The following DCDC1 variants were observed in gnomAD, a reference collection of about 807,000 sequenced individuals.
DCDC1 encodes doublecortin domain-containing protein 1.
A neutral mutation model predicts 178.3 loss-of-function variants in DCDC1; 200 were observed. That is an observed-to-expected ratio of 1.12 (90% CI 1.00 to 1.26). The LOEUF is 1.26. DCDC1 is among the 50% of genes most tolerant of loss of function. The pLI, the probability that DCDC1 is intolerant of heterozygous loss-of-function variation, is 0.00. For missense variants in DCDC1, 1,983 were observed against 1,749.2 expected (o/e 1.13, Z -2.38); for synonymous variants, 690 against 604.8 (o/e 1.14, Z -2.07).
chr11:31,271,671 T>C (rs1340115978), intron 7 of DCDC1, among the ~76,000 whole-genome samples: 1 of 152,212 alleles, frequency 6.6e-6, no homozygotes, highest in African/African-American at 2.4e-5. Context: ...ATTGTATTAG[T>C]CCATTATCAT....
intron 18 of DCDC1, among the ~76,000 whole-genome samples, chr11:31,073,459 T>C (rs935433541): frequency 6.6e-6 from 1 of 152,180 alleles, no homozygotes; most frequent in Non-Finnish European, 1.5e-5. Context: ...GAGTGAGATT[T>C]AGATAAGATG....
chr11:31,342,362 T>G (rs554783604), intron 1 of DCDC1, among the ~76,000 whole-genome samples: 3 of 152,346 alleles, frequency 2.0e-5, no homozygotes, highest in African/African-American at 7.2e-5. Flanking sequence ...TCATGAATTT[T>G]TTCAGCCTCA....
chr11:30,871,206 G>T (rs1369528826), intron 38 of DCDC1, among the ~76,000 whole-genome samples: 1 of 152,116 alleles, frequency 6.6e-6, no homozygotes, highest in African/African-American at 2.4e-5. Context: ...GCCATGAGTA[G>T]GTAGGTGCCA....
At chr11:31,282,853 T>G (rs572780103) in intron 7 of DCDC1, among the ~76,000 whole-genome samples, 14 of 152,246 alleles carry the variant, frequency 9.2e-5, no homozygotes, top group Admixed American at 1.3e-4. Flanking sequence ...AGATAACCAG[T>G]TTTTTCTTTC....
At chr11:31,250,431 T>TATATATATATATATATATATATATATAC (rs1943937449) in intron 8 of DCDC1, among the ~76,000 whole-genome samples, 1 of 78,190 alleles carries the variant, frequency 1.3e-5, no homozygotes, top group African/African-American at 3.5e-5. Context: ...CATATATATG[T>TATATATATATATATATATATATATATAC]ATATATATAT....
chr11:31,307,841 C>G lies in DCDC1; in HGVS notation c.232G>C (p.Gly78Arg). 1 of 1,614,078 alleles carries G rather than the reference C, an allele frequency of 6.2e-7. No individual in the cohort carries two copies. The highest frequency in any genetic ancestry group is 8.5e-7 in the Non-Finnish European group (1 of 1,179,986). ...TTDDYLQSQF[G>R]PNRLVHSAAV... is the part of the protein sequence containing the mutation. ...GCTGAATGCACGAGTCTGTTGGGGC[C>G]AAACTGAGACTGCAAATAATCATCA... Residue 78 changes from glycine (G) to arginine (R), a missense_variant, in exon 4 of 39, where the codon GGC becomes CGC. Transcript: ENST00000684477.
chr11:31,178,753 C>T (rs1478562022), intron 9 of DCDC1, among the ~76,000 whole-genome samples: 4 of 152,224 alleles, frequency 2.6e-5, no homozygotes, highest in Admixed American at 1.3e-4. Flanking sequence ...AATGCAGTGG[C>T]GCGATCTCAG....
intron 9 of DCDC1, among the ~76,000 whole-genome samples, chr11:31,234,233 T>C (rs988496957): frequency 6.6e-6 from 1 of 152,184 alleles, no homozygotes; most frequent in African/African-American, 2.4e-5. Flanking sequence ...TTATGTAAAA[T>C]TGATTTTCTA....
chr11:31,231,267 C>T (rs960389179), intron 9 of DCDC1, among the ~76,000 whole-genome samples: 1 of 152,172 alleles, frequency 6.6e-6, no homozygotes, highest in East Asian at 1.9e-4. Flanking sequence ...CCTTTTTCTC[C>T]TCAACTTTGT....
intron 1 of DCDC1, among the ~76,000 whole-genome samples, chr11:31,339,565 T>C (rs1391518423): frequency 1.3e-5 from 2 of 152,176 alleles, no homozygotes; most frequent in African/African-American, 4.8e-5. Flanking sequence ...AATAATATTA[T>C]AGTTAAAAAA....
intron 21 of DCDC1, among the ~76,000 whole-genome samples, chr11:30,948,463 C>G (rs991378138): frequency 6.6e-6 from 1 of 152,178 alleles, no homozygotes; most frequent in Non-Finnish European, 1.5e-5. Flanking sequence ...CTCTCCCCAT[C>G]AAGCTACCAC....
At chr11:31,118,509 G>A (rs1960310985) in intron 11 of DCDC1, among the ~76,000 whole-genome samples, 1 of 152,106 alleles carries the variant, frequency 6.6e-6, no homozygotes, top group African/African-American at 2.4e-5. Flanking sequence ...TGGTGAGTCA[G>A]ACTAACATAG....
rs563555907 is a variant in DCDC1, at chr11:31,361,294, G to A, written c.-125+8403C>T. ...GATGGATCCAAGATGGCATGCATCT[G>A]CAAGGGATGGAATTCCACAGATAAA... On this transcript the variant is annotated intron_variant, in intron 1 of 38. Coordinates refer to ENST00000684477, the MANE Select transcript of DCDC1 (RefSeq NM_001387274.1). Among the ~76,000 whole-genome samples, 9 of 152,230 alleles carry A rather than the reference G, an allele frequency of 5.9e-5. No individual in the cohort carries two copies. The South Asian group carries it at 1.9e-3, about 32-fold the overall frequency.
chr11:31,026,724 C>T (rs1282184716), intron 20 of DCDC1, among the ~76,000 whole-genome samples: 1 of 151,732 alleles, frequency 6.6e-6, no homozygotes. Context: ...TAAATTATCA[C>T]AATGGAATAT....
intron 38 of DCDC1, among the ~76,000 whole-genome samples, chr11:30,877,240 T>C (rs1245111764): frequency 6.6e-6 from 1 of 152,136 alleles, no homozygotes. Context: ...ACTGCCTTCC[T>C]GCATCACATT....
chr11:30,901,495 T>TTGAATTC (rs1395152537), intron 32 of DCDC1, among the ~76,000 whole-genome samples: 1 of 152,176 alleles, frequency 6.6e-6, no homozygotes, highest in Non-Finnish European at 1.5e-5. Context: ...AAGCACTATG[T>TTGAATTC]TGAATTCTGA....
rs1331076041 is a variant in DCDC1 at position 31,001,155 on chromosome 11, T to C, written c.2592-48587A>G. Among the ~76,000 whole-genome samples the C allele has an allele frequency of 7.2e-5, 11 of 152,310 alleles. No homozygotes were observed. In the South Asian group the frequency reaches 2.1e-3, roughly 29 times the overall value. On this transcript the variant is annotated intron_variant, in intron 20 of 38. Transcript: ENST00000684477. ...TCTTGTTCATCTTTTATTTATTCAG[T>C]CATTTATTTGTGTCAGTATTGACTC...
chr11:30,956,041 G>C (rs997683625), intron 20 of DCDC1, among the ~76,000 whole-genome samples: 2 of 152,094 alleles, frequency 1.3e-5, no homozygotes, highest in Non-Finnish European at 2.9e-5. Context: ...ACAATGATTA[G>C]ATGACACTAC....
intron 22 of DCDC1, among the ~76,000 whole-genome samples, chr11:30,930,637 C>T (rs931518895): frequency 5.3e-5 from 8 of 152,044 alleles, no homozygotes; most frequent in East Asian, 3.9e-4. Flanking sequence ...AAAATTTGTT[C>T]GGATTACCTG....
Sources: gnomAD v4.1 joint callset for allele counts (sites outside exome capture counted in the v4.1 genomes callset) on GRCh38, gnomAD v4.1.1 for gene constraint, MANE v1.5 for transcripts, NCBI Gene and HGNC (gene_info 2026-07-23, HGNC 2026-07-21) for gene names.